SLC25A21: variants seen among roughly 807,000 people sequenced by gnomAD.
The protein encoded by SLC25A21 is mitochondrial 2-oxodicarboxylate carrier.
In SLC25A21, 47 loss-of-function variants were observed where a neutral mutation model predicts 43.8. That is an observed-to-expected ratio of 1.07 (90% confidence interval 0.85 to 1.37). SLC25A21 has a LOEUF of 1.37. SLC25A21 is among the 40% of genes most tolerant of loss of function. The pLI is 0.00. For synonymous variants in SLC25A21, 131 were observed against 121.3 expected (o/e 1.08, Z -0.52); for missense variants, 352 against 350.2 (o/e 1.00, Z -0.04).
At chr14:36,755,128 A>G (rs958684003) in intron 3 of SLC25A21, among the ~76,000 whole-genome samples, 3 of 152,240 alleles carry the variant, frequency 2.0e-5, no homozygotes, top group Non-Finnish European at 4.4e-5. Context: ...TTGAAAAACC[A>G]TAGTCTAAAA....
chr14:36,887,971 G>A (rs1196722872), intron 1 of SLC25A21, among the ~76,000 whole-genome samples: 3 of 152,158 alleles, frequency 2.0e-5, no homozygotes, highest in African/African-American at 7.2e-5. Context: ...ACAGGCCAGG[G>A]TGTATGCCAC....
At chr14:37,031,864 T>A (rs1459969965) in intron 1 of SLC25A21, among the ~76,000 whole-genome samples, 2 of 152,338 alleles carry the variant, frequency 1.3e-5, no homozygotes, top group East Asian at 3.9e-4. Context: ...TGGCTCTTTC[T>A]TTTTCTTTGG....
At chr14:37,017,647 C>T (rs954460502) in intron 1 of SLC25A21, among the ~76,000 whole-genome samples, 9 of 151,940 alleles carry the variant, frequency 5.9e-5, no homozygotes, top group East Asian at 1.9e-4. Flanking sequence ...GCAGTATCTG[C>T]GAAGTGCAAT....
intron 1 of SLC25A21, among the ~76,000 whole-genome samples, chr14:36,945,412 C>T (rs560072496): frequency 3.2e-4 from 49 of 152,112 alleles, no homozygotes; most frequent in Non-Finnish European, 6.9e-4. Flanking sequence ...TATTTGTACC[C>T]CCACATTCAC....
At chr14:36,690,306 T>G (rs970794361) in intron 7 of SLC25A21, among the ~76,000 whole-genome samples, 2 of 152,194 alleles carry the variant, frequency 1.3e-5, no homozygotes, top group African/African-American at 4.8e-5. Flanking sequence ...CCAGGCACAA[T>G]GTCATGTGCA....
At chr14:36,875,051 G>T in intron 1 of SLC25A21, 47 bp from the exon 2 acceptor site, 1 of 1,479,474 alleles carries the variant, frequency 6.8e-7, no homozygotes, top group African/African-American at 1.4e-5. Flanking sequence ...GTAAACACTG[G>T]TTCTTATTTC....
At chr14:36,940,044 T>C (rs1316419274) in intron 1 of SLC25A21, among the ~76,000 whole-genome samples, 2 of 152,150 alleles carry the variant, frequency 1.3e-5, no homozygotes, top group East Asian at 3.9e-4. Flanking sequence ...AAGCCTCCTT[T>C]CTCATGTAAG....
At chr14:36,918,658 A>G (rs906113873) in intron 1 of SLC25A21, among the ~76,000 whole-genome samples, 3 of 152,140 alleles carry the variant, frequency 2.0e-5, no homozygotes, top group African/African-American at 7.2e-5. Context: ...TTAAGAAATC[A>G]CCTTCAATTT....
intron 1 of SLC25A21, among the ~76,000 whole-genome samples, chr14:37,114,545 G>A (rs1466798649): frequency 6.6e-6 from 1 of 152,164 alleles, no homozygotes; most frequent in African/African-American, 2.4e-5. Flanking sequence ...GGTTGTTCTA[G>A]TAAAACACGC....
chr14:36,715,729 G>A (rs1594517304), intron 6 of SLC25A21, among the ~76,000 whole-genome samples: 1 of 152,098 alleles, frequency 6.6e-6, no homozygotes, highest in South Asian at 2.1e-4. Context: ...ACCTATGAGA[G>A]TATTCTATAA....
rs536719578 is a variant in SLC25A21, at chr14:36,890,804, C to T, written c.71-15800G>A. On this transcript the variant is annotated intron_variant, in intron 1 of 9. Coordinates refer to ENST00000331299, the MANE Select transcript of SLC25A21 (RefSeq NM_030631.4). ...GTTTTGATTGGATCTCCAAAGTTCA[C>T]TTGAGTTTATGATTTAACAACTGTT... Among the ~76,000 whole-genome samples, 3 of 152,266 alleles carry T rather than the reference C, an allele frequency of 2.0e-5. No individual in the cohort carries two copies. In the East Asian group the frequency reaches 5.8e-4, roughly 29 times the overall value.
In SLC25A21 at chr14:36,697,738, C is replaced by CTTTTTT. The variant is rs757711209; in HGVS notation, c.604-12819_604-12814dup. Among the ~76,000 whole-genome samples the CTTTTTT allele has an allele frequency of 7.2e-5, 8 of 111,658 alleles. 1 individual carries two copies. In the South Asian group the frequency reaches 1.6e-3, roughly 22 times the overall value. The allele number at this position is 111,658 out of a possible 152,430, so 73.3% of individuals were successfully genotyped here. ...TCTGAGACTAGGATTGCAAGCCCTA[C>CTTTTTT]TTTTTTTTTTTGCTTTCCATTTGCT... On this transcript the variant is annotated intron_variant, in intron 7 of 9. Coordinates refer to ENST00000331299, the MANE Select transcript of SLC25A21 (RefSeq NM_030631.4).
chr14:37,034,182 AATT>A (rs1961278347), intron 1 of SLC25A21, among the ~76,000 whole-genome samples: 1 of 151,956 alleles, frequency 6.6e-6, no homozygotes, highest in Non-Finnish European at 1.5e-5. Context: ...ACGCCCAGCT[AATT>A]TTTTGTATTT....
At chr14:36,699,175 C>G (rs908727656) in intron 7 of SLC25A21, among the ~76,000 whole-genome samples, 5 of 151,188 alleles carry the variant, frequency 3.3e-5, no homozygotes, top group African/African-American at 1.2e-4. Flanking sequence ...TTCCTTCTAA[C>G]AGTCAGGTCC....
chr14:36,918,010 C>T (rs1448107769), intron 1 of SLC25A21, among the ~76,000 whole-genome samples: 1 of 152,128 alleles, frequency 6.6e-6, no homozygotes, highest in Non-Finnish European at 1.5e-5. Flanking sequence ...TTTAGCATCA[C>T]TCTTTGTATA....
intron 3 of SLC25A21, among the ~76,000 whole-genome samples, chr14:36,773,801 A>G (rs573754939): frequency 6.6e-6 from 1 of 152,342 alleles, no homozygotes; most frequent in Middle Eastern, 3.4e-3. Context: ...CCAGGTCTCT[A>G]TGACTCCAAA....
At chr14:36,832,074 T>C (rs1343589292) in intron 2 of SLC25A21, among the ~76,000 whole-genome samples, 2 of 152,128 alleles carry the variant, frequency 1.3e-5, no homozygotes, top group Non-Finnish European at 1.5e-5. Flanking sequence ...GGACTGTCAG[T>C]GTAGTCTTAA....
chr14:36,917,689 C>T (rs944038771), intron 1 of SLC25A21, among the ~76,000 whole-genome samples: 1 of 151,204 alleles, frequency 6.6e-6, no homozygotes, highest in African/African-American at 2.4e-5. Context: ...CAATTGCTGG[C>T]ATCTATGGTT....
intron 3 of SLC25A21, among the ~76,000 whole-genome samples, chr14:36,753,316 G>A (rs1347968335): frequency 1.3e-5 from 2 of 152,120 alleles, no homozygotes; most frequent in Non-Finnish European, 2.9e-5. Context: ...CTCTCGGAAT[G>A]GAAGGAAGCT....
Sources: allele counts gnomAD v4.1 joint callset (sites outside exome capture counted in the v4.1 genomes callset), GRCh38; gene constraint gnomAD v4.1.1; transcripts MANE v1.5; gene names NCBI Gene and HGNC (gene_info 2026-07-23, HGNC 2026-07-21).